Variants in ZNF536 observed in about 807,000 individuals in gnomAD.
ZNF536 encodes zinc finger protein 536.
Under a neutral mutation model 84.5 loss-of-function variants are expected in ZNF536, and 13 were observed. The observed-to-expected ratio is 0.15, with a 90% CI of 0.10 to 0.24. The LOEUF (loss-of-function observed/expected upper bound fraction) is 0.24, where lower values mean the gene tolerates loss of function less well. ZNF536 is among the 10% of genes least tolerant of loss of function. The pLI, the probability that ZNF536 is intolerant of heterozygous loss-of-function variation, is 1.00. For missense variants in ZNF536, 1,536 were observed against 1,747.5 expected (o/e 0.88, Z 2.16); for synonymous variants, 811 against 742.5 (o/e 1.09, Z -1.50).
intron 2 of ZNF536, among the ~76,000 whole-genome samples, chr19:30,521,481 G>T (rs1178115286): frequency 6.6e-6 from 1 of 152,142 alleles, no homozygotes; most frequent in Non-Finnish European, 1.5e-5. Context: ...TTGAGAATTT[G>T]CCAGACTTGT....
chr19:30,652,062 C>A (rs528199237), intron 1 of ZNF536, among the ~76,000 whole-genome samples: 1 of 152,252 alleles, frequency 6.6e-6, no homozygotes. Flanking sequence ...CAAGGCCAGG[C>A]CAGAGGATCT....
chr19:30,488,660 T>C (rs2054387927), intron 2 of ZNF536, among the ~76,000 whole-genome samples: 1 of 151,812 alleles, frequency 6.6e-6, no homozygotes, highest in Non-Finnish European at 1.5e-5. Context: ...CCCCATTCGC[T>C]AAAAGGAAAG....
intron 3 of ZNF536, among the ~76,000 whole-genome samples, chr19:30,537,911 G>C (rs1219399802): frequency 1.3e-5 from 2 of 152,170 alleles, no homozygotes; most frequent in African/African-American, 2.4e-5. Context: ...AGGCAGAATG[G>C]TAACCAGATA....
At chr19:30,543,698 C>T (rs2045428634) in intron 3 of ZNF536, among the ~76,000 whole-genome samples, 1 of 152,216 alleles carries the variant, frequency 6.6e-6, no homozygotes, top group South Asian at 2.1e-4. Context: ...GTAGACCGCA[C>T]CCCGGAGCCT....
intron 3 of ZNF536, among the ~76,000 whole-genome samples, chr19:30,363,554 G>T (rs2048339700): frequency 6.6e-6 from 1 of 152,056 alleles, no homozygotes; most frequent in Admixed American, 6.6e-5. Flanking sequence ...CTACAGACGG[G>T]AAGAACCTAC....
chr19:30,304,201 A>G (rs2046277984), intron 2 of ZNF536, among the ~76,000 whole-genome samples: 1 of 152,156 alleles, frequency 6.6e-6, no homozygotes, highest in African/African-American at 2.4e-5. Context: ...TACCTCCTGC[A>G]CAAACTTTCG....
rs185803588 is a variant in ZNF536 at position 30,429,280 on chromosome 19, C to T, written c.-2-14281C>T. 1.8e-3 allele frequency among the ~76,000 whole-genome samples: 273 copies of T among 152,258 alleles called. 1 individual carries two copies. Among genetic ancestry groups the T allele is most frequent in the African/African-American group, 2.0e-3 (83 of 41,554 alleles). ...TGCTCTTGGCACTTGGGAATGTTGC[C>T]CTGGTGGATGTGTCATCATCACAGA... On this transcript the variant is annotated intron_variant, in intron 1 of 4. Coordinates refer to ENST00000355537, the MANE Select transcript of ZNF536 (RefSeq NM_014717.3).
intron 1 of ZNF536, among the ~76,000 whole-genome samples, chr19:30,267,621 G>T (rs1003083321): frequency 1.3e-5 from 2 of 152,118 alleles, no homozygotes; most frequent in African/African-American, 4.8e-5. Context: ...TCTGCCATTT[G>T]TGGCACACCC....
At chr19:30,330,023 G>A (rs1247751262) in intron 2 of ZNF536, among the ~76,000 whole-genome samples, 1 of 152,144 alleles carries the variant, frequency 6.6e-6, no homozygotes, top group Non-Finnish European at 1.5e-5. Flanking sequence ...GTATTTGAAA[G>A]CACTTATTTT....
intron 4 of ZNF536, among the ~76,000 whole-genome samples, chr19:30,553,319 G>A (rs1365462543): frequency 2.0e-5 from 3 of 152,192 alleles, no homozygotes; most frequent in African/African-American, 2.4e-5. Context: ...GCTTCCCTGT[G>A]CACACAGCAC....
At chr19:30,289,738 G>A (rs1349034556) in intron 2 of ZNF536, among the ~76,000 whole-genome samples, 2 of 152,094 alleles carry the variant, frequency 1.3e-5, no homozygotes, top group Non-Finnish European at 2.9e-5. Flanking sequence ...TGCCTATCCC[G>A]CTCATTTTTT....
chr19:30,591,498 A>G (rs988407945), intron 1 of ZNF536, among the ~76,000 whole-genome samples: 12 of 152,140 alleles, frequency 7.9e-5, no homozygotes, highest in African/African-American at 2.4e-4. Context: ...ATCTTGTGAG[A>G]TTTATTCACT....
chr19:30,375,933 C>T (rs958472863), intron 1 of ZNF536, among the ~76,000 whole-genome samples: 2 of 151,884 alleles, frequency 1.3e-5, no homozygotes, highest in Non-Finnish European at 2.9e-5. Flanking sequence ...TGTGTGTGCT[C>T]ATGTGCCTGT....
chr19:30,673,332 T>C (rs2050630545), intron 1 of ZNF536, among the ~76,000 whole-genome samples: 1 of 152,150 alleles, frequency 6.6e-6, no homozygotes, highest in Non-Finnish European at 1.5e-5. Context: ...GGTCTTCCTC[T>C]GCCTAGATTC....
intron 1 of ZNF536, among the ~76,000 whole-genome samples, chr19:30,699,631 C>A (rs946489549): frequency 6.6e-5 from 10 of 152,082 alleles, no homozygotes; most frequent in Non-Finnish European, 5.9e-5. Flanking sequence ...ATATGTGCAA[C>A]TGAGAAAACG....
chr19:30,375,816 G>A (rs2048796100), intron 1 of ZNF536, among the ~76,000 whole-genome samples: 1 of 152,210 alleles, frequency 6.6e-6, no homozygotes, highest in Non-Finnish European at 1.5e-5. Context: ...TGTGGGTGGT[G>A]AGTACCCGTA....
chr19:30,269,487 C>A (rs1457370345), intron 1 of ZNF536, among the ~76,000 whole-genome samples: 1 of 152,138 alleles, frequency 6.6e-6, no homozygotes, highest in Non-Finnish European at 1.5e-5. Flanking sequence ...TGTAGATGAT[C>A]CACTTAAGAG....
chr19:30,460,164 A>G (rs1414574369), intron 2 of ZNF536, among the ~76,000 whole-genome samples: 2 of 152,190 alleles, frequency 1.3e-5, no homozygotes, highest in Non-Finnish European at 1.5e-5. Flanking sequence ...TATTATGCCC[A>G]TTCCTGAACC....
At chr19:30,705,034 T>A (rs1028624647) in intron 1 of ZNF536, among the ~76,000 whole-genome samples, 1 of 151,912 alleles carries the variant, frequency 6.6e-6, no homozygotes, top group Non-Finnish European at 1.5e-5. Flanking sequence ...TAGAGAGACA[T>A]TTGGAACTTT....
Sources: allele counts gnomAD v4.1 joint callset (sites outside exome capture counted in the v4.1 genomes callset), GRCh38; gene constraint gnomAD v4.1.1; transcripts MANE v1.5; gene names NCBI Gene and HGNC (gene_info 2026-07-23, HGNC 2026-07-21).